GRIN2B: variants seen among roughly 807,000 people sequenced by gnomAD.
The protein encoded by GRIN2B is glutamate receptor ionotropic, NMDA 2B.
A neutral mutation model predicts 114.5 loss-of-function variants in GRIN2B; 5 were observed. The ratio of observed to expected loss-of-function variants is 0.04; its 90% CI spans 0.02 to 0.09. The LOEUF (loss-of-function observed/expected upper bound fraction) is 0.09, where lower values mean the gene tolerates loss of function less well. GRIN2B is among the 10% of genes least tolerant of loss of function. The probability of loss-of-function intolerance (pLI) is 1.00; values close to 1 mark genes in which losing one functional copy is unlikely to be tolerated. For synonymous variants in GRIN2B, 787 were observed against 745.1 expected, an observed-to-expected ratio of 1.06 and a Z score of -0.92; for missense variants, 1,108 against 1,943.5, an observed-to-expected ratio of 0.57 and a Z score of 8.08.
At chr12:13,891,035 A>G (rs1866253462) in intron 2 of GRIN2B, among the ~76,000 whole-genome samples, 1 of 152,218 alleles carries the variant, frequency 6.6e-6, no homozygotes, top group Non-Finnish European at 1.5e-5. Flanking sequence ...AGTGATGCAG[A>G]GCCACCTTCA....
intron 2 of GRIN2B, among the ~76,000 whole-genome samples, chr12:13,956,141 C>T (rs1867586784): frequency 6.6e-6 from 1 of 152,108 alleles, no homozygotes; most frequent in African/African-American, 2.4e-5. Flanking sequence ...CAGGAACGGC[C>T]TGAGCAAAGC....
At chr12:13,963,722 A>C (rs1398103689) in intron 2 of GRIN2B, among the ~76,000 whole-genome samples, 2 of 152,178 alleles carry the variant, frequency 1.3e-5, no homozygotes, top group African/African-American at 4.8e-5. Context: ...TTTGACTCCC[A>C]TGGGCTGCCT....
At chr12:13,609,335 T>C (rs919485241) in intron 9 of GRIN2B, among the ~76,000 whole-genome samples, 2 of 152,264 alleles carry the variant, frequency 1.3e-5, no homozygotes, top group East Asian at 3.8e-4. Flanking sequence ...CTGTTTATAC[T>C]GATGCTAGAT....
chr12:13,815,880 C>T (rs1864813530), intron 3 of GRIN2B, among the ~76,000 whole-genome samples: 1 of 152,116 alleles, frequency 6.6e-6, no homozygotes, highest in South Asian at 2.1e-4. Context: ...AACAATCTTT[C>T]CATTAAAAGA....
intron 5 of GRIN2B, among the ~76,000 whole-genome samples, chr12:13,627,805 C>T (rs1949583904): frequency 6.6e-6 from 1 of 152,184 alleles, no homozygotes; most frequent in South Asian, 2.1e-4. Context: ...CTCAGCAGGT[C>T]ACTTGGCATC....
chr12:13,763,449 G>T (rs1591717684), intron 3 of GRIN2B, among the ~76,000 whole-genome samples: 1 of 152,170 alleles, frequency 6.6e-6, no homozygotes, highest in Non-Finnish European at 1.5e-5. Flanking sequence ...TGGATGAGGA[G>T]CCTTATTCAG....
At position 13,753,817 on chromosome 12, in the gene GRIN2B, A is replaced by G. The variant is rs200442058; in HGVS notation, c.510T>C (p.Ser170=). The G allele has an allele frequency of 1.2e-5, 20 of 1,613,636 alleles. No individual in the cohort carries two copies. Among genetic ancestry groups the G allele is most frequent in the Non-Finnish European group, 1.6e-5 (19 of 1,179,674 alleles). Residue 170 remains serine, a synonymous_variant, in exon 4 of 14, where the codon TCT becomes TCC. Coordinates refer to ENST00000609686, the MANE Select transcript of GRIN2B (RefSeq NM_000834.5). The surrounding 1 kb of genome is among the most constrained non-coding windows in gnomAD (Gnocchi z 6.2). ...AGCCAGGGAAATAGGTGGTGACGAT[A>G]GAAAAGATGTACCAGTCATATTCTT... is the stretch of plus-strand genomic sequence containing the variant. ...IMEEYDWYIF[S]IVTTYFPGYQ... is the part of the protein sequence containing the mutation.
At chr12:13,900,014 A>G (rs1866416070) in intron 2 of GRIN2B, among the ~76,000 whole-genome samples, 2 of 152,180 alleles carry the variant, frequency 1.3e-5, no homozygotes, top group African/African-American at 4.8e-5. Flanking sequence ...GGTTTTCATG[A>G]TGTTCCCATC....
intron 9 of GRIN2B, among the ~76,000 whole-genome samples, chr12:13,611,521 A>G (rs1356743567): frequency 6.6e-6 from 1 of 152,170 alleles, no homozygotes; most frequent in Admixed American, 6.5e-5. Flanking sequence ...GCCAGGCATA[A>G]AGCAGACCTA....
Position 13,542,286 on chromosome 12 carries a change from G to T in GRIN2B, c.*20497C>A, listed in dbSNP as rs773368481. 6.6e-6 allele frequency: 1 copy of T among 151,950 alleles called. No individual in the cohort carries two copies. The highest frequency in any genetic ancestry group is 1.5e-5 in the Non-Finnish European group (1 of 68,000). 9.4% of individuals were successfully genotyped at this position (151,950 alleles called of 1,614,324 possible). A position where few individuals can be genotyped will look rare whatever the true frequency, so the allele number is the denominator to read the frequency against. On this transcript the variant is annotated 3_prime_UTR_variant, in exon 14 of 14. Transcript: ENST00000609686. ...GATGAACAAGGAGTAAGGTAAGTAA[G>T]AACAAATAATTATGACCCCCCCACA...
intron 4 of GRIN2B, among the ~76,000 whole-genome samples, chr12:13,702,522 C>A (rs7135730): frequency 0.25 from 38,430 of 152,054 alleles, 5,325 homozygotes; most frequent in African/African-American, 0.38. Context: ...AAGCGGCTAT[C>A]AACTAAACCA....
At chr12:13,898,150 T>C (rs892405987) in intron 2 of GRIN2B, among the ~76,000 whole-genome samples, 8 of 152,112 alleles carry the variant, frequency 5.3e-5, no homozygotes, top group African/African-American at 1.9e-4. Flanking sequence ...TGTGTTACTC[T>C]CCTCTTTCTA....
Position 13,615,616 on chromosome 12 carries a change from C to A in GRIN2B, c.1377G>T (p.Gly459=), listed in dbSNP as rs779734725. 15 of 1,612,540 alleles carry A rather than the reference C, an allele frequency of 9.3e-6. No homozygotes were observed. In the East Asian group the frequency reaches 2.9e-4, roughly 31 times the overall value. The change falls in exon 7 of 14, where the codon GGG becomes GGT. Residue 459 remains glycine, a synonymous_variant. Coordinates refer to ENST00000609686, the MANE Select transcript of GRIN2B (RefSeq NM_000834.5). The surrounding 1 kb of genome is among the most constrained non-coding windows in gnomAD (Gnocchi z 5.8). ...TTTTCTTAAGGATGTCAATACAGAA[C>A]CCCTTGCAGCATTTTTTGATGTAAC... ...EPGYIKKCCK[G]FCIDILKKIS...
chr12:13,722,004 C>T (rs540976390), intron 4 of GRIN2B, among the ~76,000 whole-genome samples: 1 of 152,182 alleles, frequency 6.6e-6, no homozygotes, highest in Admixed American at 6.5e-5. Context: ...TCGAATGCTG[C>T]AGAGGGGACA....
intron 5 of GRIN2B, among the ~76,000 whole-genome samples, chr12:13,674,511 C>T (rs1053106437): frequency 2.0e-5 from 3 of 152,068 alleles, no homozygotes; most frequent in African/African-American, 4.8e-5. Flanking sequence ...CCTAGTTTCT[C>T]GGGTGAGCAT....
intron 10 of GRIN2B, among the ~76,000 whole-genome samples, chr12:13,579,026 G>C (rs73292181): frequency 0.069 from 10,529 of 152,142 alleles, 473 homozygotes; most frequent in East Asian, 0.18. Context: ...TGAGAGAACA[G>C]AACAAGGGGG....
intron 2 of GRIN2B, among the ~76,000 whole-genome samples, chr12:13,900,750 A>G (rs1478255624): frequency 6.6e-6 from 1 of 152,118 alleles, no homozygotes; most frequent in Admixed American, 6.6e-5. Context: ...TTTGTTTTAG[A>G]ACATTACGTG....
At chr12:13,633,473 A>G (rs757362845) in intron 5 of GRIN2B, among the ~76,000 whole-genome samples, 3 of 152,260 alleles carry the variant, frequency 2.0e-5, no homozygotes, top group Non-Finnish European at 4.4e-5. Flanking sequence ...GGCCTGTGCC[A>G]CTAAGGATAA....
In GRIN2B at chr12:13,554,940, T is replaced by C. The variant is rs1012546559; in HGVS notation, c.*7843A>G. On this transcript the variant is annotated 3_prime_UTR_variant, in exon 14 of 14. Transcript: ENST00000609686. ...GCAGCAATGGTTTTGGATATTTGAG[T>C]CAAGATGAAGTTGAGTGTTCAGAAG... is the stretch of plus-strand genomic sequence containing the variant. 1 of 152,076 alleles carries C rather than the reference T, an allele frequency of 6.6e-6. No individual in the cohort carries two copies. The highest frequency in any genetic ancestry group is 1.5e-5 in the Non-Finnish European group (1 of 68,040). The allele number at this position is 152,076 out of a possible 1,614,324, so 9.4% of individuals were successfully genotyped here.
Sources: gnomAD v4.1 joint callset for allele counts (sites outside exome capture counted in the v4.1 genomes callset) on GRCh38, gnomAD v4.1.1 for gene constraint, Gnocchi (gnomAD v3.1) non-coding constraint, MANE v1.5 for transcripts, NCBI Gene and HGNC (gene_info 2026-07-23, HGNC 2026-07-21) for gene names.